GNAI3: variants seen among roughly 807,000 people sequenced by gnomAD.
The protein encoded by GNAI3 is G protein subunit alpha i3.
GNAI3 carries 12 observed loss-of-function variants against 41.8 expected under a neutral mutation model. The observed-to-expected ratio is 0.29, with a 90% CI of 0.18 to 0.47. GNAI3 has a LOEUF of 0.47. Ranked by LOEUF, GNAI3 falls within the 20% of genes least tolerant of loss-of-function variation. The pLI, the probability that GNAI3 is intolerant of heterozygous loss-of-function variation, is 1.00. For missense variants in GNAI3, 360 were observed against 429.6 expected, an observed-to-expected ratio of 0.84 and a Z score of 1.43; for synonymous variants, 132 against 146.5, an observed-to-expected ratio of 0.90 and a Z score of 0.71.
rs1465119663 is a variant in GNAI3, at chr1:109,599,142, T to C, written c.*6820T>C. 9.6e-6 allele frequency: 2 copies of C among 207,596 alleles called. No individual in the cohort carries two copies. Among genetic ancestry groups the C allele is most frequent in the South Asian group, 6.1e-5 (1 of 16,270 alleles). The allele number at this position is 207,596 out of a possible 1,614,324, so 12.9% of individuals were successfully genotyped here. On this transcript the variant is annotated 3_prime_UTR_variant, in exon 9 of 9. Transcript: ENST00000369851. ...AAGTTAATGTGTCTTTTATGTTGCT[T>C]TTAAGACAACTTTTGTGCCGCTTTT...
At chr1:109,552,828 A>T (rs1286725808) in intron 1 of GNAI3, among the ~76,000 whole-genome samples, 7 of 152,034 alleles carry the variant, frequency 4.6e-5, no homozygotes, top group Non-Finnish European at 7.4e-5. Context: ...CCATCATGTG[A>T]CAAAGGTTGG....
intron 1 of GNAI3, among the ~76,000 whole-genome samples, chr1:109,561,726 AAGAG>A (rs541494344): frequency 6.6e-6 from 1 of 152,042 alleles, no homozygotes; most frequent in Non-Finnish European, 1.5e-5. Context: ...TGTAAGGAGG[AAGAG>A]AGAGAGAGAC....
chr1:109,557,818 C>T (rs1323009620), intron 1 of GNAI3, among the ~76,000 whole-genome samples: 17 of 152,126 alleles, frequency 1.1e-4, no homozygotes, highest in Admixed American at 1.1e-3. Context: ...AACCACAATC[C>T]AGTCATGTAT....
intron 4 of GNAI3, 75 bp downstream of exon 4, chr1:109,579,436 A>AACATTTCCTTAAGTG: frequency 2.9e-6 from 3 of 1,029,994 alleles, no homozygotes; most frequent in Non-Finnish European, 4.4e-6. Context: ...TCCCCACTTA[A>AACATTTCCTTAAGTG]GGAAATGTTT....
At position 109,596,856 on chromosome 1, in the gene GNAI3, A is replaced by G. The variant is rs1649322575; in HGVS notation, c.*4534A>G. On this transcript the variant is annotated 3_prime_UTR_variant, in exon 9 of 9. Transcript: ENST00000369851. Reference sequence around the variant, plus strand: ...ATGGGAATATACATGTTTTTAATACATTCCTTAGGTGATTTTGATGTAGCC... The same window carrying G: ...ATGGGAATATACATGTTTTTAATACGTTCCTTAGGTGATTTTGATGTAGCC... The G allele has an allele frequency of 6.6e-6, 1 of 152,240 alleles. No individual in the cohort carries two copies. Among genetic ancestry groups the G allele is most frequent in the Non-Finnish European group, 1.5e-5 (1 of 68,048 alleles). 9.4% of individuals were successfully genotyped at this position (152,240 alleles called of 1,614,324 possible).
rs1649281453 is a variant in GNAI3, at chr1:109,595,542, TTAGAC to T, written c.*3223_*3227del. 1 of 152,210 alleles carries T rather than the reference TTAGAC, an allele frequency of 6.6e-6. No homozygotes were observed. The highest frequency in any genetic ancestry group is 2.4e-5 in the African/African-American group (1 of 41,444). The allele number at this position is 152,210 out of a possible 1,614,324, so 9.4% of individuals were successfully genotyped here. ...ATATTCTATTTGTTGTATATACACA[TTAGAC>T]TATTTTAAAATAACAGCTGGTTTTT... is the stretch of plus-strand genomic sequence containing the variant. On this transcript the variant is annotated 3_prime_UTR_variant, in exon 9 of 9. Transcript: ENST00000369851.
chr1:109,572,807 TATC>T (rs1201033863), intron 1 of GNAI3, among the ~76,000 whole-genome samples: 16 of 152,054 alleles, frequency 1.1e-4, no homozygotes, highest in Non-Finnish European at 1.6e-4. Context: ...ATGTGGAAAA[TATC>T]ATGGGAAATT....
At chr1:109,555,994 G>A (rs1184842167) in intron 1 of GNAI3, among the ~76,000 whole-genome samples, 1 of 147,818 alleles carries the variant, frequency 6.8e-6, no homozygotes, top group African/African-American at 2.6e-5. Context: ...GTGTGTGTGT[G>A]TGTGTTTGTG....
intron 1 of GNAI3, among the ~76,000 whole-genome samples, chr1:109,554,522 G>GAGA (rs1196619767): frequency 6.6e-6 from 1 of 152,106 alleles, no homozygotes; most frequent in Non-Finnish European, 1.5e-5. Flanking sequence ...TATATCTTGT[G>GAGA]AGAATTGTCT....
intron 1 of GNAI3, among the ~76,000 whole-genome samples, chr1:109,559,269 ATT>A (rs1327898347): frequency 6.6e-6 from 1 of 152,222 alleles, no homozygotes; most frequent in Non-Finnish European, 1.5e-5. Context: ...CATTTTTAAA[ATT>A]TGTTTTCTAG....
chr1:109,548,698 G>T lies in GNAI3; in HGVS notation c.-23G>T. Reference sequence around the variant, plus strand: ...CCGTGGTGTGAGTGAGTCCGGGCCCGTGTCCCCTCTCCCGCCGCCGCCATG... The same window carrying T: ...CCGTGGTGTGAGTGAGTCCGGGCCCTTGTCCCCTCTCCCGCCGCCGCCATG... On this transcript the variant is annotated 5_prime_UTR_variant, in exon 1 of 9. Coordinates refer to ENST00000369851, the MANE Select transcript of GNAI3 (RefSeq NM_006496.4). The T allele has an allele frequency of 6.5e-7, 1 of 1,548,744 alleles. No individual in the cohort carries two copies. The highest frequency in any genetic ancestry group is 1.4e-5 in the African/African-American group (1 of 73,808).
chr1:109,577,013 C>A (rs1160705533), intron 3 of GNAI3, among the ~76,000 whole-genome samples: 2 of 52,082 alleles, frequency 3.8e-5, no homozygotes, highest in African/African-American at 1.0e-4. Context: ...TGGTTTTTTT[C>A]TGTTTTTTTT....
At chr1:109,590,814 C>T (rs995461698) in intron 7 of GNAI3, among the ~76,000 whole-genome samples, 5 of 152,132 alleles carry the variant, frequency 3.3e-5, no homozygotes, top group Non-Finnish European at 7.4e-5. Context: ...GATCCACCTG[C>T]TGCGGCCCCC....
At position 109,597,067 on chromosome 1, in the gene GNAI3, T is replaced by C. The variant is rs1649325554; in HGVS notation, c.*4745T>C. The C allele has an allele frequency of 6.6e-6, 1 of 152,194 alleles. No homozygotes were observed. The highest frequency in any genetic ancestry group is 1.5e-5 in the Non-Finnish European group (1 of 68,032). 9.4% of individuals were successfully genotyped at this position (152,194 alleles called of 1,614,324 possible). A position where few individuals can be genotyped will look rare whatever the true frequency, so the allele number is the denominator to read the frequency against. The stretch of plus-strand genomic sequence containing the variant: ...AAATCTGAAATCCAAAATGCCCCAG[T>C]GTGTGCTTCCTTTGAGTGTTATGTT... On this transcript the variant is annotated 3_prime_UTR_variant, in exon 9 of 9. Transcript: ENST00000369851.
intron 1 of GNAI3, among the ~76,000 whole-genome samples, chr1:109,552,366 A>C (rs1474747496): frequency 6.6e-6 from 1 of 152,194 alleles, no homozygotes; most frequent in Non-Finnish European, 1.5e-5. Context: ...CTTTTACAAC[A>C]GTTGAAATTA....
At chr1:109,574,640 G>C (rs1376496758) in intron 3 of GNAI3, among the ~76,000 whole-genome samples, 1 of 152,172 alleles carries the variant, frequency 6.6e-6, no homozygotes, top group African/African-American at 2.4e-5. Flanking sequence ...TGAAGATCTA[G>C]TTTATAAAAT....
rs925468659 is a variant in GNAI3 at position 109,595,478 on chromosome 1, TAA to T, written c.*3163_*3164del. The stretch of plus-strand genomic sequence containing the variant: ...TGTAAGACTAGATGGACCAAAATTT[TAA>T]AAAAAACTTCTTGCCTTGTTTTTTT... On this transcript the variant is annotated 3_prime_UTR_variant, in exon 9 of 9. Transcript: ENST00000369851. 3.3e-5 allele frequency: 5 copies of T among 152,064 alleles called. No individual in the cohort carries two copies. The highest frequency in any genetic ancestry group is 1.2e-4 in the African/African-American group (5 of 41,406). The allele number at this position is 152,064 out of a possible 1,614,324, so 9.4% of individuals were successfully genotyped here. A position where few individuals can be genotyped will look rare whatever the true frequency, so the allele number is the denominator to read the frequency against.
In GNAI3 at chr1:109,548,667, C is replaced by T; in HGVS notation, c.-54C>T. On this transcript the variant is annotated 5_prime_UTR_variant, in exon 1 of 9. Coordinates refer to ENST00000369851, the MANE Select transcript of GNAI3 (RefSeq NM_006496.4). ...GACGGTGCCTCAGCCTGCCGAGCCGCAGTTTCCGTGGTGTGAGTGAGTCCG... is the reference window on the plus strand; with the variant it reads ...GACGGTGCCTCAGCCTGCCGAGCCGTAGTTTCCGTGGTGTGAGTGAGTCCG... The T allele has an allele frequency of 3.9e-6, 5 of 1,289,704 alleles. No homozygotes were observed. Among genetic ancestry groups the T allele is most frequent in the Non-Finnish European group, 5.6e-6 (5 of 889,892 alleles). 79.9% of individuals were successfully genotyped at this position (1,289,704 alleles called of 1,614,324 possible).
intron 1 of GNAI3, among the ~76,000 whole-genome samples, chr1:109,563,562 T>TA (rs1648370892): frequency 6.6e-6 from 1 of 151,986 alleles, no homozygotes; most frequent in Non-Finnish European, 1.5e-5. Context: ...TGCCTTTTTT[T>TA]TAAAAAAAAC....
Sources: gnomAD v4.1 joint callset for allele counts (sites outside exome capture counted in the v4.1 genomes callset) on GRCh38, gnomAD v4.1.1 for gene constraint, MANE v1.5 for transcripts, NCBI Gene and HGNC (gene_info 2026-07-23, HGNC 2026-07-21) for gene names.